NDUFAF2: variants seen among roughly 807,000 people sequenced by gnomAD.
The protein encoded by NDUFAF2 is NADH:ubiquinone oxidoreductase complex assembly factor 2, also known as NADH dehydrogenase [ubiquinone] 1 alpha subcomplex assembly factor 2.
NDUFAF2 carries 13 observed loss-of-function variants against 22.8 expected under a neutral mutation model. The ratio of observed to expected loss-of-function variants is 0.57; its 90% CI spans 0.37 to 0.91. NDUFAF2 has a LOEUF of 0.91. Among genes scored for constraint, NDUFAF2 ranks in the 40% least tolerant of loss-of-function variants. The pLI, the probability that NDUFAF2 is intolerant of heterozygous loss-of-function variation, is 0.01. For missense variants in NDUFAF2, 162 were observed against 195.2 expected (o/e 0.83, Z 1.01); for synonymous variants, 53 against 64.2 (o/e 0.83, Z 0.84).
intron 1 of NDUFAF2, among the ~76,000 whole-genome samples, chr5:60,955,613 T>C (rs528942635): frequency 2.0e-5 from 3 of 152,310 alleles, no homozygotes; most frequent in Non-Finnish European, 2.9e-5. Flanking sequence ...AAAAAAGTCA[T>C]TGGAGTTTTG....
chr5:61,109,300 G>T (rs1434715424), intron 3 of NDUFAF2, among the ~76,000 whole-genome samples: 1 of 152,112 alleles, frequency 6.6e-6, no homozygotes, highest in Non-Finnish European at 1.5e-5. Context: ...TGTTGATTTT[G>T]TGTACTGCAA....
intron 1 of NDUFAF2, among the ~76,000 whole-genome samples, chr5:61,056,200 G>C (rs996288628): frequency 6.6e-6 from 1 of 152,046 alleles, no homozygotes. Flanking sequence ...TCCAGGCATG[G>C]GCTATCAGTA....
chr5:61,098,706 A>T (rs1752672529), intron 2 of NDUFAF2, among the ~76,000 whole-genome samples: 1 of 152,184 alleles, frequency 6.6e-6, no homozygotes, highest in Non-Finnish European at 1.5e-5. Flanking sequence ...ATTAGGAGGT[A>T]TGATTTTAAA....
chr5:61,035,430 T>TG (rs1433994475), intron 1 of NDUFAF2, among the ~76,000 whole-genome samples: 1 of 145,512 alleles, frequency 6.9e-6, no homozygotes, highest in Non-Finnish European at 1.5e-5. Flanking sequence ...CTCTGTTTTT[T>TG]TTTTTTTTTT....
intron 1 of NDUFAF2, among the ~76,000 whole-genome samples, chr5:61,020,545 T>TTGTGTG (rs1340553314): frequency 8.8e-6 from 1 of 114,236 alleles, no homozygotes; most frequent in African/African-American, 3.3e-5. Context: ...GTGGGTTTTG[T>TTGTGTG]TATGTGTGTG....
intron 1 of NDUFAF2, among the ~76,000 whole-genome samples, chr5:60,960,044 A>G (rs992864302): frequency 4.6e-5 from 7 of 152,146 alleles, no homozygotes; most frequent in Non-Finnish European, 1.0e-4. Context: ...ATGCTTATGA[A>G]GTTAAGGAAC....
intron 1 of NDUFAF2, among the ~76,000 whole-genome samples, chr5:60,948,266 C>T (rs1291434955): frequency 6.6e-6 from 1 of 152,194 alleles, no homozygotes; most frequent in Non-Finnish European, 1.5e-5. Flanking sequence ...GTCGCCCAGG[C>T]TGGAGTGCAG....
intron 2 of NDUFAF2, among the ~76,000 whole-genome samples, chr5:61,082,401 C>T (rs935927325): frequency 6.6e-6 from 1 of 152,030 alleles, no homozygotes; most frequent in Non-Finnish European, 1.5e-5. Flanking sequence ...CCTATAAGTA[C>T]ACTTTACTTT....
chr5:61,021,429 A>G (rs1407446684), intron 1 of NDUFAF2, among the ~76,000 whole-genome samples: 2 of 152,032 alleles, frequency 1.3e-5, no homozygotes, highest in Non-Finnish European at 2.9e-5. Context: ...TTCTATAAGG[A>G]TTCTTGTGAT....
At chr5:61,067,473 T>C (rs1752245091) in intron 1 of NDUFAF2, among the ~76,000 whole-genome samples, 1 of 152,116 alleles carries the variant, frequency 6.6e-6, no homozygotes, top group African/African-American at 2.4e-5. Flanking sequence ...TCCATGTCCC[T>C]ACAAAGGACA....
At chr5:61,003,320 C>T (rs1169845861) in intron 1 of NDUFAF2, among the ~76,000 whole-genome samples, 2 of 152,042 alleles carry the variant, frequency 1.3e-5, no homozygotes, top group Non-Finnish European at 2.9e-5. Flanking sequence ...TCTTATAATT[C>T]TAAGAATATT....
At chr5:61,011,290 G>C (rs1477986631) in intron 1 of NDUFAF2, among the ~76,000 whole-genome samples, 2 of 152,206 alleles carry the variant, frequency 1.3e-5, no homozygotes, top group East Asian at 3.9e-4. Flanking sequence ...CATGCCTCCA[G>C]CTTCCCTTGT....
intron 1 of NDUFAF2, among the ~76,000 whole-genome samples, chr5:61,039,726 T>G (rs1313466768): frequency 6.6e-6 from 1 of 152,196 alleles, no homozygotes; most frequent in Non-Finnish European, 1.5e-5. Flanking sequence ...CTGGCAAGGA[T>G]GAATAATTAT....
At chr5:61,041,712 G>T (rs1006156233) in intron 1 of NDUFAF2, among the ~76,000 whole-genome samples, 3 of 152,162 alleles carry the variant, frequency 2.0e-5, no homozygotes, top group Non-Finnish European at 4.4e-5. Context: ...TCCATGGGCA[G>T]ACATTCAAGT....
At chr5:61,096,396 C>T (rs1489450383) in intron 2 of NDUFAF2, among the ~76,000 whole-genome samples, 8 of 151,948 alleles carry the variant, frequency 5.3e-5, no homozygotes, top group Admixed American at 3.9e-4. Context: ...GTCAAGAGAT[C>T]GAGACCATTC....
intron 1 of NDUFAF2, among the ~76,000 whole-genome samples, chr5:60,958,646 T>C (rs745941527): frequency 3.9e-5 from 6 of 152,146 alleles, no homozygotes; most frequent in Non-Finnish European, 5.9e-5. Context: ...AAAAAGCAGC[T>C]ATTCAGTGAA....
At chr5:61,139,137 AC>A (rs1474562717) in intron 3 of NDUFAF2, among the ~76,000 whole-genome samples, 1 of 152,204 alleles carries the variant, frequency 6.6e-6, no homozygotes, top group Non-Finnish European at 1.5e-5. Flanking sequence ...CACCTAACTT[AC>A]CAAATTCATA....
chr5:61,049,594 G>A (rs1580112878), intron 1 of NDUFAF2, among the ~76,000 whole-genome samples: 1 of 152,078 alleles, frequency 6.6e-6, no homozygotes, highest in South Asian at 2.1e-4. Context: ...TAAACAACAA[G>A]TCTTCATTCT....
intron 1 of NDUFAF2, among the ~76,000 whole-genome samples, chr5:60,986,658 T>A (rs1271113078): frequency 6.6e-6 from 1 of 151,950 alleles, no homozygotes; most frequent in Non-Finnish European, 1.5e-5. Context: ...TGGCCAGGCA[T>A]GGTGGCTCAT....
Sources: allele counts gnomAD v4.1 joint callset (sites outside exome capture counted in the v4.1 genomes callset), GRCh38; gene constraint gnomAD v4.1.1; transcripts MANE v1.5; gene names NCBI Gene and HGNC (gene_info 2026-07-23, HGNC 2026-07-21).